Variants in KMT2A observed in about 807,000 individuals in gnomAD.
KMT2A encodes the protein lysine methyltransferase 2A.
KMT2A carries 16 observed loss-of-function variants against 345.3 expected under a neutral mutation model. The observed-to-expected ratio is 0.05, with a 90% confidence interval of 0.03 to 0.07. The LOEUF (loss-of-function observed/expected upper bound fraction) is 0.07. Among genes scored for constraint, KMT2A ranks in the 10% least tolerant of loss-of-function variants. KMT2A has a pLI of 1.00. For missense variants in KMT2A, 3,272 were observed against 4,841.6 expected (o/e 0.68, Z 9.62); for synonymous variants, 1,599 against 1,778.6 (o/e 0.90, Z 2.54).
At chr11:118,488,568 T>C (rs375826193) in intron 10 of KMT2A, 46 bp from the exon 11 acceptor site, 1 of 1,600,362 alleles carries the variant, frequency 6.2e-7, no homozygotes, top group African/African-American at 1.3e-5. Flanking sequence ...TATGTTTTTC[T>C]ACATATTATT....
At position 118,490,949 on chromosome 11, in the gene KMT2A, A is replaced by T. The variant is rs1391112849; in HGVS notation, c.4697-247A>T. The stretch of plus-strand genomic sequence containing the variant: ...TTTTATCTTTAAAATCTACCTCATG[A>T]CCTTTATAAATGAAAACTAGTAAAC... On this transcript the variant is annotated intron_variant, in intron 13 of 35. Transcript: ENST00000534358. This position sits in a 1 kb window ranked among gnomAD's most constrained non-coding sequence, Gnocchi z 4.2. Among the ~76,000 whole-genome samples the T allele has an allele frequency of 3.3e-5, 5 of 152,146 alleles. No homozygotes were observed. The highest frequency in any genetic ancestry group is 5.9e-5 in the Non-Finnish European group (4 of 68,032).
At position 118,472,707 on chromosome 11, in the gene KMT2A, C is replaced by T. The variant is rs1169358473; in HGVS notation, c.1548C>T (p.Ser516=). ...AAGTTCATCCTCCACTGCCCATTTC[C>T]CAGTCCCCAGAAAATGAGAGTAATG... is the stretch of plus-strand genomic sequence containing the variant. ...TPEVHPPLPI[S]QSPENESNDR... The change falls in exon 3 of 36, where the codon TCC becomes TCT. Residue 516 remains serine, a synonymous_variant. Coordinates refer to ENST00000534358, the MANE Select transcript of KMT2A (RefSeq NM_001197104.2). 6.2e-7 allele frequency: 1 copy of T among 1,613,328 alleles called. No homozygotes were observed. The highest frequency in any genetic ancestry group is 2.2e-5 in the East Asian group (1 of 44,882).
In KMT2A at chr11:118,498,553, A is replaced by T; in HGVS notation, c.5961+25A>T. On this transcript the variant is annotated intron_variant, in intron 22 of 35. Coordinates refer to ENST00000534358, the MANE Select transcript of KMT2A (RefSeq NM_001197104.2). This position sits in a 1 kb window ranked among gnomAD's most constrained non-coding sequence, Gnocchi z 4.4. ...AGTGAGAGAGCTTTAGTTGCTTTAA[A>T]AAAAAAAAAAAAGACTTTTTTAGAG... The T allele has an allele frequency of 1.3e-6, 2 of 1,493,378 alleles. No homozygotes were observed. The highest frequency in any genetic ancestry group is 1.3e-5 in the South Asian group (1 of 77,712). 92.5% of individuals were successfully genotyped at this position (1,493,378 alleles called of 1,614,324 possible). A position where few individuals can be genotyped will look rare whatever the true frequency, so the allele number is the denominator to read the frequency against.
chr11:118,457,257 C>CTTTT (rs782636684), intron 1 of KMT2A, among the ~76,000 whole-genome samples: 7 of 89,058 alleles, frequency 7.9e-5, no homozygotes, highest in African/African-American at 1.1e-4. Flanking sequence ...CACCTCCTGC[C>CTTTT]TTTTTTTTTT....
At chr11:118,513,937 C>CAAAAAAAAAAAAAAAAA (rs1178939991) in intron 31 of KMT2A, among the ~76,000 whole-genome samples, 7 of 47,366 alleles carry the variant, frequency 1.5e-4, no homozygotes, top group African/African-American at 3.3e-4. Context: ...GACCCTGTCT[C>CAAAAAAAAAAAAAAAAA]AAAAAAAAAA....
In KMT2A at chr11:118,493,248, G is replaced by C; in HGVS notation, c.5178+18G>C. On this transcript the variant is annotated intron_variant, in intron 16 of 35. Transcript: ENST00000534358. This position sits in a 1 kb window ranked among gnomAD's most constrained non-coding sequence, Gnocchi z 5.8. ...CATCTGTGGTATGTTTCTACAGTGA[G>C]CCATCAGAATTTCTAGTGCCAATAA... The C allele has an allele frequency of 6.2e-7, 1 of 1,602,306 alleles. No individual in the cohort carries two copies. The highest frequency in any genetic ancestry group is 8.5e-7 in the Non-Finnish European group (1 of 1,172,450).
At chr11:118,499,468 G>A (rs781811920) in intron 23 of KMT2A, 48 bp downstream of exon 23, 12 of 1,185,904 alleles carry the variant, frequency 1.0e-5, no homozygotes, top group Non-Finnish European at 1.4e-5. Context: ...TATCATTGGG[G>A]AAATTTCTGG....
At chr11:118,457,657 TG>T (rs1438646012) in intron 1 of KMT2A, among the ~76,000 whole-genome samples, 2 of 151,874 alleles carry the variant, frequency 1.3e-5, no homozygotes, top group Admixed American at 1.3e-4. Context: ...TTTCACTCCA[TG>T]CCACATTCTT....
Position 118,484,193 on chromosome 11 carries a change from C to T in KMT2A, c.4097C>T (p.Pro1366Leu). ...KQKPKEKEKP[P>L]PVNKQENAGT... The stretch of plus-strand genomic sequence containing the variant: ...CTTTTGTCTCCTTAGGAAAAACCAC[C>T]TCCGGTCAATAAGCAGGAGAATGCA... Residue 1366 changes from proline to leucine, a missense_variant, in exon 9 of 36, where the codon CCT becomes CTT. Around this residue, in one of 27 missense-constraint regions of KMT2A, gnomAD observed 168 missense variants for 216.0 expected, o/e 0.78. Coordinates refer to ENST00000534358, the MANE Select transcript of KMT2A (RefSeq NM_001197104.2). This position sits in a 1 kb window ranked among gnomAD's most constrained non-coding sequence, Gnocchi z 4.1. 1 of 1,614,004 alleles carries T rather than the reference C, an allele frequency of 6.2e-7. No individual in the cohort carries two copies. Among genetic ancestry groups the T allele is most frequent in the Non-Finnish European group, 8.5e-7 (1 of 1,179,996 alleles).
At chr11:118,458,645 T>A (rs1417425883) in intron 1 of KMT2A, among the ~76,000 whole-genome samples, 1 of 152,260 alleles carries the variant, frequency 6.6e-6, no homozygotes, top group Non-Finnish European at 1.5e-5. Flanking sequence ...ACACATTTTT[T>A]AAAATTCCTT....
In KMT2A at chr11:118,510,344, C is replaced by T. The variant is rs1208549433; in HGVS notation, c.11071+226C>T. ...TACAGATTATGTTTTCAACATTGCA[C>T]ACACCTTAGCGGAGCCCCTGAGAAC... On this transcript the variant is annotated intron_variant, in intron 30 of 35. Transcript: ENST00000534358. This position sits in a 1 kb window ranked among gnomAD's most constrained non-coding sequence, Gnocchi z 4.1. 6.6e-6 allele frequency among the ~76,000 whole-genome samples: 1 copy of T among 152,184 alleles called. No individual in the cohort carries two copies. The highest frequency in any genetic ancestry group is 1.5e-5 in the Non-Finnish European group (1 of 68,032).
intron 6 of KMT2A, among the ~76,000 whole-genome samples, chr11:118,481,157 C>A (rs1950124498): frequency 6.6e-6 from 1 of 152,152 alleles, no homozygotes; most frequent in Admixed American, 6.5e-5. Context: ...TGTAATCACC[C>A]TGTTGTACTA....
chr11:118,521,228 T>G lies in KMT2A; in HGVS notation c.11514-60T>G. ...AGACCAGGAGAACTTATTCATGTAT[T>G]CACGCACTTAACCTTACTTGCAAAA... On this transcript the variant is annotated intron_variant, in intron 34 of 35. Transcript: ENST00000534358. The surrounding 1 kb of genome is among the most constrained non-coding windows in gnomAD (Gnocchi z 5.3). 1 of 1,569,954 alleles carries G rather than the reference T, an allele frequency of 6.4e-7. No homozygotes were observed. Among genetic ancestry groups the G allele is most frequent in the Non-Finnish European group, 8.7e-7 (1 of 1,144,372 alleles).
chr11:118,482,600 A>T, intron 8 of KMT2A, 105 bp downstream of exon 8: 2 of 843,564 alleles, frequency 2.4e-6, no homozygotes, highest in Non-Finnish European at 3.8e-6. Flanking sequence ...AATTTCTTAA[A>T]ATTAAGAAAC....
rs782413082 is a variant in KMT2A, at chr11:118,484,240, A to G, written c.4144A>G (p.Thr1382Ala). The change falls in exon 9 of 36, where the codon ACT (threonine) becomes GCT (alanine). Residue 1382 changes from threonine (T) to alanine (A), a missense_variant. Thr to Ala is a moderately conservative substitution (Grantham distance 58). Around this residue, in one of 27 missense-constraint regions of KMT2A, gnomAD observed 168 missense variants for 216.0 expected, o/e 0.78. Transcript: ENST00000534358. This position sits in a 1 kb window ranked among gnomAD's most constrained non-coding sequence, Gnocchi z 4.1. ...ENAGTLNILS[T>A]LSNGNSSKQK... ...TGCAGGCACTTTGAACATCCTCAGC[A>G]CTCTCTCCAATGGCAATAGTTCTAA... is the stretch of plus-strand genomic sequence containing the variant. 2 of 1,614,092 alleles carry G rather than the reference A, an allele frequency of 1.2e-6. No individual in the cohort carries two copies. The highest frequency in any genetic ancestry group is 1.7e-6 in the Non-Finnish European group (2 of 1,179,988).
In KMT2A at chr11:118,436,960, A is replaced by C; in HGVS notation, c.432+16A>C. 1 of 1,450,742 alleles carries C rather than the reference A, an allele frequency of 6.9e-7. No homozygotes were observed. The highest frequency in any genetic ancestry group is 9.2e-7 in the Non-Finnish European group (1 of 1,092,086). The allele number at this position is 1,450,742 out of a possible 1,614,324, so 89.9% of individuals were successfully genotyped here. A position where few individuals can be genotyped will look rare whatever the true frequency, so the allele number is the denominator to read the frequency against. On this transcript the variant is annotated intron_variant, in intron 1 of 35. Coordinates refer to ENST00000534358, the MANE Select transcript of KMT2A (RefSeq NM_001197104.2). The surrounding 1 kb of genome is among the most constrained non-coding windows in gnomAD (Gnocchi z 6.9). ...CAGCGGAGAGGTAAGGGGGCGAGGA[A>C]CCCCCAGGTCCGGGGTCTCGACCCT... is the stretch of plus-strand genomic sequence containing the variant.
At chr11:118,511,930 G>A (rs376463533) in intron 30 of KMT2A, 21 bp from the exon 31 acceptor site, 20 of 1,610,588 alleles carry the variant, frequency 1.2e-5, no homozygotes, top group Non-Finnish European at 1.6e-5. Context: ...TGGCTTACGG[G>A]TTTTCTTTAT....
At chr11:118,464,316 A>C (rs895727123) in intron 1 of KMT2A, among the ~76,000 whole-genome samples, 4 of 152,202 alleles carry the variant, frequency 2.6e-5, no homozygotes, top group Non-Finnish European at 5.9e-5. Flanking sequence ...TGGGTGGATC[A>C]CCTGAGGTGA....
chr11:118,485,473 C>T (rs1950211813), intron 10 of KMT2A, among the ~76,000 whole-genome samples: 2 of 151,972 alleles, frequency 1.3e-5, no homozygotes, highest in South Asian at 4.2e-4. Flanking sequence ...TTTTTTAGCC[C>T]TCTAGTGACC....
Sources: gnomAD v4.1 joint callset for allele counts (sites outside exome capture counted in the v4.1 genomes callset) on GRCh38, gnomAD v4.1.1 for gene constraint, gnomAD v4.1.1 regional missense constraint, Gnocchi (gnomAD v3.1) non-coding constraint, MANE v1.5 for transcripts, NCBI Gene and HGNC (gene_info 2026-07-23, HGNC 2026-07-21) for gene names.